SLC25A10: variants seen among roughly 807,000 people sequenced by gnomAD.
SLC25A10 encodes solute carrier family 25 member 10.
In SLC25A10, 32 loss-of-function variants were observed where a neutral mutation model predicts 40.4. The ratio of observed to expected loss-of-function variants is 0.79; its 90% CI spans 0.60 to 1.06. SLC25A10 has a LOEUF of 1.06. Ranked by LOEUF, SLC25A10 falls within the 50% of genes least tolerant of loss-of-function variation. The pLI, the probability that SLC25A10 is intolerant of heterozygous loss-of-function variation, is 0.00. For missense variants in SLC25A10, 394 were observed against 402.6 expected (o/e 0.98, Z 0.18); for synonymous variants, 181 against 171.1 (o/e 1.06, Z -0.45).
At chr17:81,718,005 G>T in intron 9 of SLC25A10, 144 bp downstream of exon 9, 1 of 662,620 alleles carries the variant, frequency 1.5e-6, no homozygotes, top group Non-Finnish European at 2.7e-6. Context: ...ACTTGCCTTG[G>T]GAGAGGGTTG....
intron 5 of SLC25A10, among the ~76,000 whole-genome samples, chr17:81,716,430 G>A (rs749488000): frequency 3.3e-5 from 5 of 152,172 alleles, no homozygotes; most frequent in African/African-American, 4.8e-5. Context: ...TCCAGGGCCC[G>A]GGGTCCGCTC....
intron 4 of SLC25A10, 73 bp from the exon 5 acceptor site, chr17:81,715,936 G>A: frequency 1.3e-6 from 2 of 1,506,862 alleles, no homozygotes; most frequent in South Asian, 2.4e-5. Flanking sequence ...ACCAGCGTGA[G>A]CTCCCCTGTG....
At chr17:81,719,706 C>T (rs943018578) in intron 9 of SLC25A10, 125 bp from the exon 10 acceptor site, 17 of 1,183,148 alleles carry the variant, frequency 1.4e-5, no homozygotes, top group Non-Finnish European at 2.1e-5. Context: ...CACACCCACA[C>T]CCACACCCAC....
At position 81,720,401 on chromosome 17, in the gene SLC25A10, G is replaced by A; in HGVS notation, c.*324G>A. 1.4e-6 allele frequency: 2 copies of A among 1,392,652 alleles called. No homozygotes were observed. Among genetic ancestry groups the A allele is most frequent in the Non-Finnish European group, 1.9e-6 (2 of 1,079,780 alleles). 86.3% of individuals were successfully genotyped at this position (1,392,652 alleles called of 1,614,324 possible). A position where few individuals can be genotyped will look rare whatever the true frequency, so the allele number is the denominator to read the frequency against. ...CTCCCCTCTCCTGGGCCAGGGGAGG[G>A]GTATTATCCCTGCCTCCTGCCCCCG... On this transcript the variant is annotated 3_prime_UTR_variant, in exon 11 of 11. Coordinates refer to ENST00000350690, the MANE Select transcript of SLC25A10 (RefSeq NM_012140.5).
rs951249417 is a variant in SLC25A10 at position 81,720,744 on chromosome 17, G to A, written c.*667G>A. The A allele has an allele frequency of 1.9e-5, 7 of 376,080 alleles. No homozygotes were observed. Among genetic ancestry groups the A allele is most frequent in the African/African-American group, 1.5e-4 (7 of 48,070 alleles). 23.3% of individuals were successfully genotyped at this position (376,080 alleles called of 1,614,324 possible). ...TGCCCTGCAGTGGCTTTAACAGTTA[G>A]TTTTGCCAAAGCCTCTCCACTCACC... On this transcript the variant is annotated 3_prime_UTR_variant, in exon 11 of 11. Coordinates refer to ENST00000350690, the MANE Select transcript of SLC25A10 (RefSeq NM_012140.5).
chr17:81,716,113 C>G, intron 5 of SLC25A10, 63 bp downstream of exon 5: 1 of 1,519,126 alleles, frequency 6.6e-7, no homozygotes, highest in Admixed American at 2.0e-5. Context: ...GGAGCGGACC[C>G]CTGGCTGCTC....
intron 5 of SLC25A10, 124 bp downstream of exon 5, chr17:81,716,174 T>C: frequency 9.5e-7 from 1 of 1,056,432 alleles, no homozygotes; most frequent in Non-Finnish European, 1.4e-6. Context: ...GCACGGTCCA[T>C]GGAGGGTCCT....
chr17:81,714,570 G>T (rs1207316634), intron 1 of SLC25A10, among the ~76,000 whole-genome samples: 1 of 152,216 alleles, frequency 6.6e-6, no homozygotes, highest in East Asian at 1.9e-4. Context: ...TTGAGACGTG[G>T]TGTGGTGGAT....
Position 81,717,086 on chromosome 17 carries a change from G to A in SLC25A10, c.534+14G>A, listed in dbSNP as rs374383985. 2.7e-5 allele frequency: 44 copies of A among 1,612,816 alleles called. No homozygotes were observed. In the South Asian group the frequency reaches 3.5e-4, roughly 13 times the overall value. Reference sequence around the variant, plus strand: ...ACTGTGGGCCAGGTAGGCCTCCTGCGTGGGGTGGGTGTGGGCAGTGCCTGT... The same window carrying A: ...ACTGTGGGCCAGGTAGGCCTCCTGCATGGGGTGGGTGTGGGCAGTGCCTGT... On this transcript the variant is annotated intron_variant, in intron 7 of 10. Transcript: ENST00000350690.
At position 81,715,327 on chromosome 17, in the gene SLC25A10, G is replaced by A. The variant is rs544635591; in HGVS notation, c.214-151G>A. 8.6e-6 allele frequency: 7 copies of A among 818,476 alleles called. No individual in the cohort carries two copies. In the African/African-American group the frequency reaches 1.2e-4, roughly 14 times the overall value. 50.7% of individuals were successfully genotyped at this position (818,476 alleles called of 1,614,324 possible). ...GGTGCAGCTCTAGATTTGTGAACTG[G>A]CTCAGCCGCATGCTGGCACAGTGGC... is the stretch of plus-strand genomic sequence containing the variant. On this transcript the variant is annotated intron_variant, in intron 2 of 10. Coordinates refer to ENST00000350690, the MANE Select transcript of SLC25A10 (RefSeq NM_012140.5).
rs1261967499 is a variant in SLC25A10 at position 81,717,612 on chromosome 17, G to A, written c.627+121G>A. On this transcript the variant is annotated intron_variant, in intron 8 of 10. Transcript: ENST00000350690. ...TTGGGCATCTGGCAGTGCCCCCTGG[G>A]GCTCATAAGTGGGGTGCCAGGGCTT... 2.0e-5 allele frequency: 26 copies of A among 1,330,228 alleles called. No individual in the cohort carries two copies. The East Asian group carries it at 5.9e-4, about 30-fold the overall frequency. 82.4% of individuals were successfully genotyped at this position (1,330,228 alleles called of 1,614,324 possible).
chr17:81,716,143 C>A (rs1304230108), intron 5 of SLC25A10, 93 bp downstream of exon 5: 1 of 1,401,118 alleles, frequency 7.1e-7, no homozygotes, highest in Non-Finnish European at 9.8e-7. Flanking sequence ...CCAGCTGAGG[C>A]TCCAGCAGGC....
Position 81,720,319 on chromosome 17 carries a change from T to C in SLC25A10, c.*242T>C. ...TCTCCCGGCTGGGCACTGCGTGGCCTTGCCCCTCTCCCGCTGGCAGCTCCT... is the reference window on the plus strand; with the variant it reads ...TCTCCCGGCTGGGCACTGCGTGGCCCTGCCCCTCTCCCGCTGGCAGCTCCT... On this transcript the variant is annotated 3_prime_UTR_variant, in exon 11 of 11. Transcript: ENST00000350690. 2 of 1,429,288 alleles carry C rather than the reference T, an allele frequency of 1.4e-6. No homozygotes were observed. The highest frequency in any genetic ancestry group is 5.1e-5 in the East Asian group (2 of 39,556). 88.5% of individuals were successfully genotyped at this position (1,429,288 alleles called of 1,614,324 possible). A position where few individuals can be genotyped will look rare whatever the true frequency, so the allele number is the denominator to read the frequency against.
chr17:81,717,525 T>C lies in SLC25A10; in HGVS notation c.627+34T>C, dbSNP rs779522044. 88 of 1,608,516 alleles carry C rather than the reference T, an allele frequency of 5.5e-5. No homozygotes were observed. In the Middle Eastern group the frequency reaches 6.6e-4, roughly 12 times the overall value. ...CCGGCATGGCTAGGGTGGGCGTCCC[T>C]GGGCCGGCCTTGGGCGCTGAGGGCA... On this transcript the variant is annotated intron_variant, in intron 8 of 10. Coordinates refer to ENST00000350690, the MANE Select transcript of SLC25A10 (RefSeq NM_012140.5).
chr17:81,717,065 T>C lies in SLC25A10; in HGVS notation c.527T>C (p.Val176Ala). The C allele has an allele frequency of 6.2e-7, 1 of 1,613,724 alleles. No individual in the cohort carries two copies. Among genetic ancestry groups the C allele is most frequent in the African/African-American group, 1.3e-5 (1 of 75,058 alleles). Residue 176 changes from valine to alanine, a missense_variant, in exon 7 of 11, where the codon GTG becomes GCG. Val to Ala is a moderately conservative substitution (Grantham distance 64). Coordinates refer to ENST00000350690, the MANE Select transcript of SLC25A10 (RefSeq NM_012140.5). ...TCCAGCCGAGGGGCCTTAGTCACTG[T>C]GGGCCAGGTAGGCCTCCTGCGTGGG... is the stretch of plus-strand genomic sequence containing the variant. ...MASSRGALVT[V>A]GQLSCYDQAK...
chr17:81,719,936 T>C (rs2037560022), intron 10 of SLC25A10, 40 bp from the exon 11 acceptor site: 1 of 1,613,600 alleles, frequency 6.2e-7, no homozygotes, highest in Non-Finnish European at 8.5e-7. Flanking sequence ...AGCGGGCCCC[T>C]TCGGGCTCTG....
chr17:81,717,360 G>T, intron 7 of SLC25A10, 39 bp from the exon 8 acceptor site: 1 of 1,599,736 alleles, frequency 6.3e-7, no homozygotes, highest in Admixed American at 1.7e-5. Flanking sequence ...CCAAGCTGGG[G>T]TCCCCCCTAC....
Position 81,715,602 on chromosome 17 carries a change from C to T in SLC25A10, c.328+10C>T, listed in dbSNP as rs781341003. 59 of 1,580,936 alleles carry T rather than the reference C, an allele frequency of 3.7e-5. No homozygotes were observed. Among genetic ancestry groups the T allele is most frequent in the East Asian group, 2.5e-4 (11 of 44,066 alleles). Reference sequence around the variant, plus strand: ...CTGGGCTCCGTCAGCGGTGAGCTGCCGGGCGGGAGGGGGAGGGGCGCGGGG... The same window carrying T: ...CTGGGCTCCGTCAGCGGTGAGCTGCTGGGCGGGAGGGGGAGGGGCGCGGGG... On this transcript the variant is annotated intron_variant, in intron 3 of 10. Coordinates refer to ENST00000350690, the MANE Select transcript of SLC25A10 (RefSeq NM_012140.5).
rs2037571291 is a variant in SLC25A10 at position 81,720,489 on chromosome 17, A to G, written c.*412A>G. 1.5e-6 allele frequency: 2 copies of G among 1,314,430 alleles called. No homozygotes were observed. Among genetic ancestry groups the G allele is most frequent in the East Asian group, 2.8e-5 (1 of 35,362 alleles). The allele number at this position is 1,314,430 out of a possible 1,614,324, so 81.4% of individuals were successfully genotyped here. On this transcript the variant is annotated 3_prime_UTR_variant, in exon 11 of 11. Transcript: ENST00000350690. ...GACTTGGGTGGCAGAGTGTGGGTGCAGCCTGGCTGTTGCTCACCCAAGTGC... is the reference window on the plus strand; with the variant it reads ...GACTTGGGTGGCAGAGTGTGGGTGCGGCCTGGCTGTTGCTCACCCAAGTGC...
Sources: allele counts gnomAD v4.1 joint callset (sites outside exome capture counted in the v4.1 genomes callset), GRCh38; gene constraint gnomAD v4.1.1; transcripts MANE v1.5; gene names NCBI Gene and HGNC (gene_info 2026-07-23, HGNC 2026-07-21).